MYH14: variants seen among roughly 807,000 people sequenced by gnomAD.
MYH14 encodes myosin-14.
Under a neutral mutation model 255.5 loss-of-function variants are expected in MYH14, and 123 were observed. The ratio of observed to expected loss-of-function variants is 0.48; its 90% CI spans 0.42 to 0.56. The LOEUF (loss-of-function observed/expected upper bound fraction) is 0.56. MYH14 is among the 20% of genes least tolerant of loss of function. MYH14 has a pLI of 0.00. For missense variants in MYH14, 2,423 were observed against 2,802.3 expected, an observed-to-expected ratio of 0.86 and a Z score of 3.06; for synonymous variants, 1,095 against 1,161.2, an observed-to-expected ratio of 0.94 and a Z score of 1.16.
In MYH14 at chr19:50,294,155, A is replaced by G. The variant is rs78668713; in HGVS notation, c.5469+468A>G. Among the ~76,000 whole-genome samples the G allele has an allele frequency of 5.0e-3, 767 of 152,264 alleles. 12 individuals carry two copies. Among genetic ancestry groups the G allele is most frequent in the African/African-American group, 0.018 (741 of 41,536 alleles). ...TGCTGGGGACCTGGAGATGGTTAAT[A>G]CTAAGCCTCTGCCCTCAAACACGTC... On this transcript the variant is annotated intron_variant, in intron 39 of 42. Transcript: ENST00000642316.
At chr19:50,275,303 C>T (rs1014782651) in intron 27 of MYH14, among the ~76,000 whole-genome samples, 1 of 152,180 alleles carries the variant, frequency 6.6e-6, no homozygotes, top group Non-Finnish European at 1.5e-5. Context: ...GGACAGGAAG[C>T]CACATCCCTG....
At chr19:50,254,925 T>C (rs1272420734) in intron 16 of MYH14, among the ~76,000 whole-genome samples, 5 of 152,224 alleles carry the variant, frequency 3.3e-5, no homozygotes, top group Non-Finnish European at 7.3e-5. Context: ...GGCAACCTAC[T>C]AAAACAGACA....
At chr19:50,277,787 G>A (rs922156249) in intron 29 of MYH14, among the ~76,000 whole-genome samples, 3 of 151,938 alleles carry the variant, frequency 2.0e-5, no homozygotes, top group African/African-American at 7.3e-5. Flanking sequence ...CGTGGTGGTG[G>A]GCGCCTGTAA....
chr19:50,252,696 G>A lies in MYH14; in HGVS notation c.1888G>A (p.Val630Ile), dbSNP rs568160869. 25 of 1,601,596 alleles carry A rather than the reference G, an allele frequency of 1.6e-5. No homozygotes were observed. The highest frequency in any genetic ancestry group is 3.4e-5 in the South Asian group (3 of 88,702). ...MKNMDPLNDNVAALLHQSTDR... is the reference protein window; with the variant it reads ...MKNMDPLNDNIAALLHQSTDR... ...AAACATGGACCCTCTGAATGACAAC[G>A]TCGCAGCCTTGCTCCACCAGAGCAC... The change falls in exon 16 of 43, where the codon GTC (valine) becomes ATC (isoleucine). Residue 630 changes from valine (V) to isoleucine (I), a missense_variant. This residue lies in a region of MYH14 where 672 missense variants were observed against 881.8 expected (regional missense o/e 0.76). Coordinates refer to ENST00000642316, the MANE Select transcript of MYH14 (RefSeq NM_001145809.2). The surrounding 1 kb of genome is among the most constrained non-coding windows in gnomAD (Gnocchi z 4.2).
intron 9 of MYH14, among the ~76,000 whole-genome samples, chr19:50,231,532 A>C (rs1438523835): frequency 1.3e-5 from 2 of 151,776 alleles, no homozygotes; most frequent in African/African-American, 4.8e-5. Flanking sequence ...GCATAGTGAG[A>C]CCCCCATCTC....
chr19:50,246,966 C>T, intron 11 of MYH14, 38 bp from the exon 12 acceptor site: 1 of 1,463,156 alleles, frequency 6.8e-7, no homozygotes, highest in Non-Finnish European at 9.5e-7. Flanking sequence ...AGCACCTCTT[C>T]CCAGTGCTGA....
chr19:50,233,817 A>ACCCCCCCCCCCCCCCCC (rs1385579013), intron 10 of MYH14, among the ~76,000 whole-genome samples: 2 of 111,954 alleles, frequency 1.8e-5, no homozygotes, highest in African/African-American at 6.9e-5. Flanking sequence ...CCTCCCCCCG[A>ACCCCCCCCCCCCCCCCC]CCCCCCCGCC....
At position 50,271,510 on chromosome 19, in the gene MYH14, G is replaced by C; in HGVS notation, c.3135G>C (p.Leu1045=). 6.2e-7 allele frequency: 1 copy of C among 1,606,480 alleles called. No homozygotes were observed. The highest frequency in any genetic ancestry group is 8.5e-7 in the Non-Finnish European group (1 of 1,176,606). ...EAKMKKFEED[L]LLLEDQNSKL... is the part of the protein sequence containing the mutation. ...AAATGAAGAAATTTGAAGAGGACCT[G>C]CTGCTCCTGGAAGACCAGAATTCCA... The change falls in exon 25 of 43, where the codon CTG becomes CTC. Residue 1045 remains leucine, a synonymous_variant. Coordinates refer to ENST00000642316, the MANE Select transcript of MYH14 (RefSeq NM_001145809.2).
chr19:50,289,791 C>T (rs3893704), intron 35 of MYH14, 143 bp downstream of exon 35: 1 of 722,624 alleles, frequency 1.4e-6, no homozygotes, highest in African/African-American at 1.7e-5. Flanking sequence ...CAGTATCTCC[C>T]CAACCCTTCC....
intron 39 of MYH14, among the ~76,000 whole-genome samples, chr19:50,294,420 T>C (rs1172481182): frequency 7.0e-6 from 1 of 143,584 alleles, no homozygotes; most frequent in East Asian, 2.1e-4. Flanking sequence ...GCATTCTTCA[T>C]TAGTTTTTTT....
intron 10 of MYH14, among the ~76,000 whole-genome samples, chr19:50,234,394 C>A (rs890770888): frequency 1.3e-5 from 2 of 152,154 alleles, no homozygotes; most frequent in Non-Finnish European, 2.9e-5. Flanking sequence ...GAGCCAGGGC[C>A]GCCTCTGGGT....
intron 1 of MYH14, among the ~76,000 whole-genome samples, chr19:50,204,504 C>T (rs551028335): frequency 2.6e-5 from 4 of 152,276 alleles, no homozygotes; most frequent in East Asian, 1.9e-4. Context: ...CTCCCTCTTA[C>T]GCTGTGTGAT....
At chr19:50,232,593 C>CAAAAAAAAAAAAAAA (rs532232129) in intron 10 of MYH14, among the ~76,000 whole-genome samples, 1 of 63,696 alleles carries the variant, frequency 1.6e-5, no homozygotes, top group Non-Finnish European at 2.7e-5. Flanking sequence ...GACTCTGTCT[C>CAAAAAAAAAAAAAAA]AAAAAAAAAA....
intron 33 of MYH14, chr19:50,285,953 C>T (rs2035875116): frequency 6.6e-6 from 1 of 152,256 alleles, no homozygotes; most frequent in East Asian, 1.9e-4. Flanking sequence ...TTCTATTTTA[C>T]AGTTTCAAAT....
At chr19:50,257,518 G>A in intron 18 of MYH14, 32 bp downstream of exon 18, 1 of 1,566,196 alleles carries the variant, frequency 6.4e-7, no homozygotes, top group Non-Finnish European at 8.7e-7. Context: ...GGAAGGGGTG[G>A]CTGTGGCTGT....
chr19:50,205,930 C>A (rs2031720445), intron 1 of MYH14, among the ~76,000 whole-genome samples: 1 of 152,146 alleles, frequency 6.6e-6, no homozygotes, highest in Middle Eastern at 3.2e-3. Flanking sequence ...AACCTCTGCC[C>A]CAGGGCGGAT....
chr19:50,274,573 G>T (rs1415191428), intron 27 of MYH14, among the ~76,000 whole-genome samples: 4 of 152,162 alleles, frequency 2.6e-5, no homozygotes, highest in Non-Finnish European at 5.9e-5. Flanking sequence ...GGGATTACAG[G>T]CATGAGCCAC....
In MYH14 at chr19:50,293,769, A is replaced by G; in HGVS notation, c.5469+82A>G. ...CCTTCAGTCCTCTTATTCAACAAATATAGAAAGGGGATATTTGAGTTGGGT... is the reference window on the plus strand; with the variant it reads ...CCTTCAGTCCTCTTATTCAACAAATGTAGAAAGGGGATATTTGAGTTGGGT... On this transcript the variant is annotated intron_variant, in intron 39 of 42. Coordinates refer to ENST00000642316, the MANE Select transcript of MYH14 (RefSeq NM_001145809.2). The surrounding 1 kb of genome is among the most constrained non-coding windows in gnomAD (Gnocchi z 4.1). 2.8e-6 allele frequency: 4 copies of G among 1,422,152 alleles called. No individual in the cohort carries two copies. The highest frequency in any genetic ancestry group is 2.8e-6 in the Non-Finnish European group (3 of 1,061,894). The allele number at this position is 1,422,152 out of a possible 1,614,324, so 88.1% of individuals were successfully genotyped here.
chr19:50,300,557 T>A lies in MYH14; in HGVS notation c.5470-1104T>A, dbSNP rs2036445355. ...TGAGGTCAGGAGTTCGAGACCAGCC[T>A]GACCAACATGGAGAAACCCCATCTC... On this transcript the variant is annotated intron_variant, in intron 39 of 42. Coordinates refer to ENST00000642316, the MANE Select transcript of MYH14 (RefSeq NM_001145809.2). 3.9e-5 allele frequency among the ~76,000 whole-genome samples: 6 copies of A among 152,234 alleles called. No individual in the cohort carries two copies. The South Asian group carries it at 1.2e-3, about 32-fold the overall frequency.
Sources: gnomAD v4.1 joint callset for allele counts (sites outside exome capture counted in the v4.1 genomes callset) on GRCh38, gnomAD v4.1.1 for gene constraint, gnomAD v4.1.1 regional missense constraint, Gnocchi (gnomAD v3.1) non-coding constraint, MANE v1.5 for transcripts, NCBI Gene and HGNC (gene_info 2026-07-23, HGNC 2026-07-21) for gene names.